CCDC91: variants seen among roughly 807,000 people sequenced by gnomAD.
CCDC91 encodes coiled-coil domain-containing protein 91.
Under a neutral mutation model 63.2 loss-of-function variants are expected in CCDC91, and 48 were observed. The ratio of observed to expected loss-of-function variants is 0.76; its 90% CI spans 0.60 to 0.97. The LOEUF (loss-of-function observed/expected upper bound fraction) is 0.97, where lower values mean the gene tolerates loss of function less well. Ranked by LOEUF, CCDC91 falls within the 50% of genes least tolerant of loss-of-function variation. CCDC91 has a pLI of 0.00. For synonymous variants in CCDC91, 167 were observed against 165.8 expected (o/e 1.01, Z -0.06); for missense variants, 500 against 494.6 (o/e 1.01, Z -0.10).
At chr12:28,507,336 G>A (rs1316075508) in intron 12 of CCDC91, among the ~76,000 whole-genome samples, 1 of 151,930 alleles carries the variant, frequency 6.6e-6, no homozygotes, top group Non-Finnish European at 1.5e-5. Context: ...ATTCTTTGTT[G>A]TGGGGGCTCT....
intron 6 of CCDC91, among the ~76,000 whole-genome samples, chr12:28,356,914 G>C (rs1298308015): frequency 6.6e-6 from 1 of 152,136 alleles, no homozygotes; most frequent in African/African-American, 2.4e-5. Context: ...ATCTTTTTAA[G>C]ATCACTGTAA....
chr12:28,221,709 G>C (rs1943964825), intron 1 of CCDC91, among the ~76,000 whole-genome samples: 1 of 152,120 alleles, frequency 6.6e-6, no homozygotes, highest in Admixed American at 6.6e-5. Context: ...TGACTGATAG[G>C]AATACAAATT....
At chr12:28,281,155 A>C (rs1948589334) in intron 3 of CCDC91, among the ~76,000 whole-genome samples, 1 of 152,116 alleles carries the variant, frequency 6.6e-6, no homozygotes, top group South Asian at 2.1e-4. Context: ...AGTCTTAATA[A>C]ATTTGGAAGT....
chr12:28,394,293 C>T (rs537814180), intron 8 of CCDC91, among the ~76,000 whole-genome samples: 6 of 152,126 alleles, frequency 3.9e-5, no homozygotes, highest in East Asian at 3.9e-4. Context: ...GGTGAAACCC[C>T]GTCTCTACTA....
At chr12:28,431,426 C>T (rs1051645712) in intron 8 of CCDC91, among the ~76,000 whole-genome samples, 1 of 152,090 alleles carries the variant, frequency 6.6e-6, no homozygotes, top group African/African-American at 2.4e-5. Context: ...ACAAACAAAA[C>T]TGTTCTGTCT....
At chr12:28,476,056 C>A (rs1017421183) in intron 11 of CCDC91, among the ~76,000 whole-genome samples, 2 of 151,816 alleles carry the variant, frequency 1.3e-5, no homozygotes, top group Non-Finnish European at 2.9e-5. Flanking sequence ...TAGTTCATTA[C>A]CCCCAAATCA....
intron 3 of CCDC91, among the ~76,000 whole-genome samples, chr12:28,277,300 A>G (rs1478093860): frequency 6.6e-6 from 1 of 152,012 alleles, no homozygotes; most frequent in South Asian, 2.1e-4. Flanking sequence ...ACCTCAATTA[A>G]ATTACAGTTT....
intron 6 of CCDC91, among the ~76,000 whole-genome samples, chr12:28,334,480 A>G (rs1941771048): frequency 1.3e-5 from 2 of 152,096 alleles, no homozygotes. Flanking sequence ...ATCCTTGCCT[A>G]TGGCATCCTT....
At chr12:28,503,282 A>C (rs1379312914) in intron 12 of CCDC91, among the ~76,000 whole-genome samples, 2 of 152,230 alleles carry the variant, frequency 1.3e-5, no homozygotes, top group African/African-American at 2.4e-5. Flanking sequence ...AAGGACATGA[A>C]CAGTCACTTC....
intron 12 of CCDC91, among the ~76,000 whole-genome samples, chr12:28,537,518 G>A: frequency 6.6e-6 from 1 of 152,204 alleles, no homozygotes; most frequent in East Asian, 1.9e-4. Context: ...TATGCACAGT[G>A]TAAAGTTGGT....
intron 3 of CCDC91, among the ~76,000 whole-genome samples, chr12:28,298,825 A>G (rs1345806720): frequency 6.6e-6 from 1 of 151,318 alleles, no homozygotes; most frequent in Admixed American, 6.6e-5. Flanking sequence ...GCTTTATAAA[A>G]ATGGGTTCAT....
chr12:28,211,606 T>C (rs1440999393), intron 1 of CCDC91, among the ~76,000 whole-genome samples: 1 of 152,228 alleles, frequency 6.6e-6, no homozygotes, highest in Non-Finnish European at 1.5e-5. Flanking sequence ...CTGTAAGTTA[T>C]GTTTAGTAAG....
chr12:28,502,442 C>T (rs887452551), intron 12 of CCDC91, among the ~76,000 whole-genome samples: 1 of 151,764 alleles, frequency 6.6e-6, no homozygotes, highest in Non-Finnish European at 1.5e-5. Context: ...AGGATACAAA[C>T]AAATGGAACA....
At chr12:28,453,790 A>G (rs1949931102) in intron 11 of CCDC91, among the ~76,000 whole-genome samples, 1 of 152,144 alleles carries the variant, frequency 6.6e-6, no homozygotes, top group Non-Finnish European at 1.5e-5. Flanking sequence ...GGTCAAGTTC[A>G]CTGGCTAAGT....
intron 8 of CCDC91, among the ~76,000 whole-genome samples, chr12:28,425,014 T>C (rs1374824845): frequency 6.6e-6 from 1 of 152,178 alleles, no homozygotes; most frequent in Admixed American, 6.6e-5. Flanking sequence ...GGCATGTACT[T>C]GAGGAGTCCA....
At chr12:28,295,751 A>G (rs1404604014) in intron 3 of CCDC91, among the ~76,000 whole-genome samples, 1 of 152,042 alleles carries the variant, frequency 6.6e-6, no homozygotes, top group Non-Finnish European at 1.5e-5. Flanking sequence ...TTTCTTAAGG[A>G]TCTAGTTTCC....
chr12:28,264,585 C>CTGTG (rs34854850), intron 3 of CCDC91, among the ~76,000 whole-genome samples: 9,986 of 137,100 alleles, frequency 0.073, 387 homozygotes, highest in East Asian at 0.089. Context: ...ATATGTCTGT[C>CTGTG]TGTGTGTGTG....
At chr12:28,357,360 A>C (rs940150733) in intron 6 of CCDC91, among the ~76,000 whole-genome samples, 1 of 152,122 alleles carries the variant, frequency 6.6e-6, no homozygotes, top group South Asian at 2.1e-4. Context: ...TGGTTGGAAT[A>C]TGCTTCCATT....
intron 3 of CCDC91, among the ~76,000 whole-genome samples, chr12:28,292,399 A>G (rs1209176950): frequency 6.6e-6 from 1 of 152,202 alleles, no homozygotes. Context: ...TATTCCTTGT[A>G]AATTTGGGCA....
Sources: allele counts gnomAD v4.1 joint callset (sites outside exome capture counted in the v4.1 genomes callset), GRCh38; gene constraint gnomAD v4.1.1; transcripts MANE v1.5; gene names NCBI Gene and HGNC (gene_info 2026-07-23, HGNC 2026-07-21).